BRINP3: variants seen among roughly 807,000 people sequenced by gnomAD.
The protein encoded by BRINP3 is BMP/retinoic acid inducible neural specific 3, also known as BMP/retinoic acid-inducible neural-specific protein 3.
A neutral mutation model predicts 71.0 loss-of-function variants in BRINP3; 19 were observed. The ratio of observed to expected loss-of-function variants is 0.27; its 90% CI spans 0.19 to 0.39. The LOEUF (loss-of-function observed/expected upper bound fraction) is 0.39, where lower values mean the gene tolerates loss of function less well. Ranked by LOEUF, BRINP3 falls within the 10% of genes least tolerant of loss-of-function variation. The probability of loss-of-function intolerance (pLI) is 1.00; values close to 1 mark genes in which losing one functional copy is unlikely to be tolerated. For synonymous variants in BRINP3, 380 were observed against 337.7 expected, an observed-to-expected ratio of 1.13 and a Z score of -1.37; for missense variants, 959 against 940.8, an observed-to-expected ratio of 1.02 and a Z score of -0.25.
At chr1:190,300,590 A>T (rs1016829136) in intron 2 of BRINP3, among the ~76,000 whole-genome samples, 1 of 152,152 alleles carries the variant, frequency 6.6e-6, no homozygotes, top group East Asian at 1.9e-4. Context: ...GAGAACGGGC[A>T]GACTGCCTCC....
At chr1:190,255,040 T>A (rs1003605479) in intron 4 of BRINP3, among the ~76,000 whole-genome samples, 2 of 152,054 alleles carry the variant, frequency 1.3e-5, no homozygotes, top group African/African-American at 4.8e-5. Context: ...ATGTGGTTTT[T>A]TTTTTCATTG....
rs1260712134 is a variant in BRINP3, at chr1:190,160,821, A to C, written c.1031T>G (p.Leu344Trp). 10 of 1,613,634 alleles carry C rather than the reference A, an allele frequency of 6.2e-6. No homozygotes were observed. The highest frequency in any genetic ancestry group is 8.5e-6 in the Non-Finnish European group (10 of 1,179,690). ...CTGAAAATTAGAATCCATTGTCCAC[A>C]AATGCATTATAGTAGATGTGTTGAG... ...YFLNTSTIMH[L>W]WTMDSNFQRR... The change falls in exon 7 of 8, where the codon TTG (leucine) becomes TGG (tryptophan). Residue 344 changes from leucine to tryptophan, a missense_variant. By Grantham distance (61) the Leu-to-Trp change is moderately conservative. Coordinates refer to ENST00000367462, the MANE Select transcript of BRINP3 (RefSeq NM_199051.3).
chr1:190,264,120 A>G (rs1466658847), intron 4 of BRINP3, among the ~76,000 whole-genome samples: 2 of 152,292 alleles, frequency 1.3e-5, no homozygotes, highest in South Asian at 2.1e-4. Flanking sequence ...ACATTGACCT[A>G]ATTTGCCAGA....
intron 2 of BRINP3, among the ~76,000 whole-genome samples, chr1:190,412,963 A>T (rs1018542374): frequency 6.6e-6 from 1 of 152,158 alleles, no homozygotes; most frequent in Non-Finnish European, 1.5e-5. Context: ...ATTCAATTTT[A>T]CTGATAAAAA....
At chr1:190,119,296 G>T (rs540423187) in intron 7 of BRINP3, among the ~76,000 whole-genome samples, 1 of 149,748 alleles carries the variant, frequency 6.7e-6, no homozygotes, top group South Asian at 2.1e-4. Context: ...TTATTATTTT[G>T]AGATGGAGTC....
At chr1:190,272,728 T>C (rs1205762392) in intron 3 of BRINP3, among the ~76,000 whole-genome samples, 1 of 151,476 alleles carries the variant, frequency 6.6e-6, no homozygotes, top group African/African-American at 2.4e-5. Flanking sequence ...TCATTTCTAA[T>C]AGCCTGATAA....
intron 2 of BRINP3, among the ~76,000 whole-genome samples, chr1:190,369,486 A>G (rs1020318649): frequency 2.6e-5 from 4 of 152,146 alleles, no homozygotes; most frequent in Non-Finnish European, 5.9e-5. Flanking sequence ...AAAATTTTAG[A>G]AAAATCTTTC....
rs1160597483 is a variant in BRINP3, at chr1:190,381,594, T to A, written c.236+73061A>T. Among the ~76,000 whole-genome samples, 12 of 152,168 alleles carry A rather than the reference T, an allele frequency of 7.9e-5. No individual in the cohort carries two copies. In the South Asian group the frequency reaches 2.1e-3, roughly 26 times the overall value. ...TGGTCATCTCAATGACCTTAAGTTT[T>A]CCCCTTAGCCATTTTTTCTTTTTAG... On this transcript the variant is annotated intron_variant, in intron 2 of 7. Coordinates refer to ENST00000367462, the MANE Select transcript of BRINP3 (RefSeq NM_199051.3).
chr1:190,407,126 ACT>A (rs1558258578), intron 2 of BRINP3, among the ~76,000 whole-genome samples: 1 of 152,082 alleles, frequency 6.6e-6, no homozygotes, highest in African/African-American at 2.4e-5. Context: ...CTATCAGGAG[ACT>A]CTTACAGATC....
At chr1:190,122,268 T>C in intron 7 of BRINP3, among the ~76,000 whole-genome samples, 1 of 152,138 alleles carries the variant, frequency 6.6e-6, no homozygotes, top group East Asian at 1.9e-4. Flanking sequence ...TGGATAGATA[T>C]GAATATAAAT....
At chr1:190,317,548 C>A (rs1314322177) in intron 2 of BRINP3, among the ~76,000 whole-genome samples, 1 of 152,012 alleles carries the variant, frequency 6.6e-6, no homozygotes. Context: ...AATTCCCTGT[C>A]TCATATTCAT....
At chr1:190,367,516 A>C (rs1356929304) in intron 2 of BRINP3, among the ~76,000 whole-genome samples, 1 of 152,188 alleles carries the variant, frequency 6.6e-6, no homozygotes, top group African/African-American at 2.4e-5. Context: ...TTAGTGTTTA[A>C]CATTCAGCTC....
At chr1:190,456,780 A>C (rs996784328) in intron 1 of BRINP3, among the ~76,000 whole-genome samples, 1 of 152,118 alleles carries the variant, frequency 6.6e-6, no homozygotes, top group Non-Finnish European at 1.5e-5. Context: ...AGAATATATA[A>C]TTTCTTAATT....
At chr1:190,298,664 A>G (rs190617236) in intron 2 of BRINP3, among the ~76,000 whole-genome samples, 1 of 152,140 alleles carries the variant, frequency 6.6e-6, no homozygotes, top group Admixed American at 6.5e-5. Context: ...GCTTTCTTGT[A>G]TGCTTGAATT....
At chr1:190,434,399 C>T (rs1248124399) in intron 2 of BRINP3, among the ~76,000 whole-genome samples, 1 of 151,950 alleles carries the variant, frequency 6.6e-6, no homozygotes, top group Non-Finnish European at 1.5e-5. Flanking sequence ...CATGACCCAC[C>T]GTTCCCAGCC....
intron 6 of BRINP3, among the ~76,000 whole-genome samples, chr1:190,207,375 A>C (rs745322018): frequency 7.9e-5 from 12 of 152,276 alleles, no homozygotes; most frequent in African/African-American, 1.4e-4. Flanking sequence ...ACTACCTGAC[A>C]ACCTGACATA....
chr1:190,218,155 T>C (rs1656570389), intron 6 of BRINP3, among the ~76,000 whole-genome samples: 1 of 151,916 alleles, frequency 6.6e-6, no homozygotes, highest in South Asian at 2.1e-4. Flanking sequence ...AAAGAAATAA[T>C]ACATTTTTGG....
intron 7 of BRINP3, among the ~76,000 whole-genome samples, chr1:190,132,160 GT>G (rs1227601152): frequency 1.3e-5 from 2 of 152,032 alleles, no homozygotes; most frequent in African/African-American, 4.8e-5. Flanking sequence ...TATCTGCAAT[GT>G]TCATGATTCT....
At chr1:190,171,066 C>T (rs923960379) in intron 6 of BRINP3, among the ~76,000 whole-genome samples, 4 of 152,056 alleles carry the variant, frequency 2.6e-5, no homozygotes, top group Non-Finnish European at 2.9e-5. Flanking sequence ...TCAATTGAAG[C>T]CATGTACCCA....
Sources: gnomAD v4.1 joint callset for allele counts (sites outside exome capture counted in the v4.1 genomes callset) on GRCh38, gnomAD v4.1.1 for gene constraint, MANE v1.5 for transcripts, NCBI Gene and HGNC (gene_info 2026-07-23, HGNC 2026-07-21) for gene names.